The following GALNTL6 variants were observed in gnomAD, a reference collection of about 807,000 sequenced individuals.
The protein encoded by GALNTL6 is polypeptide N-acetylgalactosaminyltransferase-like 6.
A neutral mutation model predicts 73.7 loss-of-function variants in GALNTL6; 46 were observed. That is an observed-to-expected ratio of 0.62 (90% CI 0.49 to 0.80). The LOEUF (loss-of-function observed/expected upper bound fraction) is 0.80, where lower values mean the gene tolerates loss of function less well. Ranked by LOEUF, GALNTL6 falls within the 30% of genes least tolerant of loss-of-function variation. The pLI is 0.00. For missense variants in GALNTL6, 604 were observed against 755.0 expected (o/e 0.80, Z 2.34); for synonymous variants, 259 against 263.7 (o/e 0.98, Z 0.17).
intron 2 of GALNTL6, among the ~76,000 whole-genome samples, chr4:171,979,190 C>T (rs931007231): frequency 6.6e-6 from 1 of 152,158 alleles, no homozygotes; most frequent in Admixed American, 6.5e-5. Flanking sequence ...GACATTACAG[C>T]ACGGCCATCC....
chr4:171,932,867 C>T (rs1313193598), intron 2 of GALNTL6, among the ~76,000 whole-genome samples: 2 of 152,028 alleles, frequency 1.3e-5, no homozygotes, highest in Admixed American at 1.3e-4. Flanking sequence ...ACCAGGGATC[C>T]GGAATGTGTA....
At chr4:172,625,834 A>G (rs1300430578) in intron 5 of GALNTL6, among the ~76,000 whole-genome samples, 1 of 151,916 alleles carries the variant, frequency 6.6e-6, no homozygotes, top group Non-Finnish European at 1.5e-5. Context: ...TTTGAGAAGT[A>G]TCTGTTCATG....
chr4:172,816,273 G>A (rs1404274545), intron 7 of GALNTL6, among the ~76,000 whole-genome samples: 2 of 152,208 alleles, frequency 1.3e-5, no homozygotes, highest in African/African-American at 4.8e-5. Flanking sequence ...TTATCTTTCT[G>A]TAGCAAGTTT....
At position 172,080,143 on chromosome 4, in the gene GALNTL6, T is replaced by C. The variant is rs544540400; in HGVS notation, c.139-149513T>C. Among the ~76,000 whole-genome samples, 8 of 152,300 alleles carry C rather than the reference T, an allele frequency of 5.3e-5. No homozygotes were observed. In the East Asian group the frequency reaches 1.5e-3, roughly 29 times the overall value. ...AAATTAAGTTTCCCTTCCACAGCTT[T>C]GAAGTGCCACATTTACTTATTTACT... On this transcript the variant is annotated intron_variant, in intron 2 of 12. Coordinates refer to ENST00000506823, the MANE Select transcript of GALNTL6 (RefSeq NM_001034845.3).
At chr4:171,825,541 C>T (rs1458625068) in intron 2 of GALNTL6, among the ~76,000 whole-genome samples, 2 of 151,898 alleles carry the variant, frequency 1.3e-5, no homozygotes, top group Non-Finnish European at 2.9e-5. Context: ...AAGGAAATTA[C>T]ATTTTTTTGG....
chr4:172,901,546 C>T (rs1179102351), intron 8 of GALNTL6, among the ~76,000 whole-genome samples: 1 of 152,044 alleles, frequency 6.6e-6, no homozygotes, highest in East Asian at 1.9e-4. Flanking sequence ...GAAATTAAGT[C>T]CAGAACTTAA....
At chr4:172,117,941 C>T (rs754751636) in intron 2 of GALNTL6, among the ~76,000 whole-genome samples, 9 of 152,164 alleles carry the variant, frequency 5.9e-5, no homozygotes, top group Non-Finnish European at 1.2e-4. Flanking sequence ...AATGAAAATA[C>T]AGAAACATTC....
chr4:172,701,063 T>C lies in GALNTL6; in HGVS notation c.554-108298T>C, dbSNP rs556545671. 2.6e-5 allele frequency among the ~76,000 whole-genome samples: 4 copies of C among 152,286 alleles called. No individual in the cohort carries two copies. In the East Asian group the frequency reaches 7.7e-4, roughly 29 times the overall value. ...AATATGACTGAAATAATAGATTGTA[T>C]TTTCATTTAGAGACACCATGGCTGT... On this transcript the variant is annotated intron_variant, in intron 5 of 12. Coordinates refer to ENST00000506823, the MANE Select transcript of GALNTL6 (RefSeq NM_001034845.3).
chr4:171,860,782 G>A (rs974052495), intron 2 of GALNTL6, among the ~76,000 whole-genome samples: 4 of 152,076 alleles, frequency 2.6e-5, no homozygotes, highest in African/African-American at 9.7e-5. Flanking sequence ...CCTTGTCCTG[G>A]AATGCAGCCC....
chr4:172,187,019 T>A (rs1212449323), intron 2 of GALNTL6, among the ~76,000 whole-genome samples: 2 of 152,134 alleles, frequency 1.3e-5, no homozygotes, highest in Non-Finnish European at 2.9e-5. Context: ...AGAATATGCA[T>A]GTAACTTAAA....
At chr4:172,006,875 C>A (rs1740859995) in intron 2 of GALNTL6, among the ~76,000 whole-genome samples, 1 of 151,474 alleles carries the variant, frequency 6.6e-6, no homozygotes, top group East Asian at 1.9e-4. Flanking sequence ...CCTCAGTTAT[C>A]TACAAAAATG....
rs545651653 is a variant in GALNTL6, at chr4:172,754,511, G to A, written c.554-54850G>A. Reference sequence around the variant, plus strand: ...CACTTGAACCTGGGAGGTGGAGGTTGCAGTGAGCCGAGATCGCACCATTGC... The same window carrying A: ...CACTTGAACCTGGGAGGTGGAGGTTACAGTGAGCCGAGATCGCACCATTGC... On this transcript the variant is annotated intron_variant, in intron 5 of 12. Coordinates refer to ENST00000506823, the MANE Select transcript of GALNTL6 (RefSeq NM_001034845.3). Among the ~76,000 whole-genome samples the A allele has an allele frequency of 2.0e-5, 3 of 152,266 alleles. No homozygotes were observed. In the South Asian group the frequency reaches 6.2e-4, roughly 32 times the overall value.
intron 4 of GALNTL6, among the ~76,000 whole-genome samples, chr4:172,330,058 C>A (rs901785606): frequency 6.6e-6 from 1 of 152,192 alleles, no homozygotes; most frequent in African/African-American, 2.4e-5. Context: ...GCCAGTGAGT[C>A]TTATCCTTCA....
chr4:172,712,112 G>A (rs1734742928), intron 5 of GALNTL6, among the ~76,000 whole-genome samples: 1 of 152,178 alleles, frequency 6.6e-6, no homozygotes, highest in South Asian at 2.1e-4. Flanking sequence ...GGGTGTGTTT[G>A]TGTTTGGGTG....
At chr4:171,943,754 C>A (rs116492565) in intron 2 of GALNTL6, among the ~76,000 whole-genome samples, 5,027 of 152,226 alleles carry the variant, frequency 0.033, 159 homozygotes, top group Non-Finnish European at 0.052. Context: ...AAGATAATCA[C>A]TTCTGAGTTA....
At chr4:172,190,886 T>C (rs1735558020) in intron 2 of GALNTL6, among the ~76,000 whole-genome samples, 12 of 152,200 alleles carry the variant, frequency 7.9e-5, no homozygotes, top group Admixed American at 7.9e-4. Context: ...ACTACTTCTC[T>C]TTACCAACTA....
At chr4:172,206,008 C>T (rs1163190497) in intron 2 of GALNTL6, among the ~76,000 whole-genome samples, 1 of 151,958 alleles carries the variant, frequency 6.6e-6, no homozygotes, top group Non-Finnish European at 1.5e-5. Context: ...GTTTGTAGAG[C>T]AGGGAAAGAA....
At chr4:172,174,630 G>A (rs1358998463) in intron 2 of GALNTL6, among the ~76,000 whole-genome samples, 1 of 152,026 alleles carries the variant, frequency 6.6e-6, no homozygotes, top group Non-Finnish European at 1.5e-5. Flanking sequence ...ATTACTCAAA[G>A]CACTACTACT....
intron 2 of GALNTL6, among the ~76,000 whole-genome samples, chr4:172,117,221 A>C (rs539218868): frequency 6.6e-6 from 1 of 152,306 alleles, no homozygotes; most frequent in African/African-American, 2.4e-5. Context: ...GCTATTTTTC[A>C]GTCGTGTTTT....
Sources: gnomAD v4.1 joint callset for allele counts (sites outside exome capture counted in the v4.1 genomes callset) on GRCh38, gnomAD v4.1.1 for gene constraint, MANE v1.5 for transcripts, NCBI Gene and HGNC (gene_info 2026-07-23, HGNC 2026-07-21) for gene names.